EEF2K: variants seen among roughly 807,000 people sequenced by gnomAD.
EEF2K encodes alternative protein EEF2K.
In EEF2K, 70 loss-of-function variants were observed where a neutral mutation model predicts 93.8. The observed-to-expected ratio is 0.75, with a 90% CI of 0.62 to 0.91. EEF2K has a LOEUF of 0.91. Ranked by LOEUF, EEF2K falls within the 40% of genes least tolerant of loss-of-function variation. EEF2K has a pLI of 0.00. For synonymous variants in EEF2K, 376 were observed against 380.8 expected (o/e 0.99, Z 0.15); for missense variants, 935 against 972.9 (o/e 0.96, Z 0.52).
In EEF2K at chr16:22,250,698, G is replaced by A. The variant is rs761099157; in HGVS notation, c.446+7G>A. 6 of 1,614,206 alleles carry A rather than the reference G, an allele frequency of 3.7e-6. No homozygotes were observed. Among genetic ancestry groups the A allele is most frequent in the Non-Finnish European group, 4.2e-6 (5 of 1,180,048 alleles). Reference sequence around the variant, plus strand: ...TGAGGGAGTGCTTCCGGACGTAAGTGACTCAGCCTGGCTCTTGGGGCCCTG... The same window carrying A: ...TGAGGGAGTGCTTCCGGACGTAAGTAACTCAGCCTGGCTCTTGGGGCCCTG... On this transcript the variant is annotated splice_region_variant and intron_variant, in intron 5 of 17. Transcript: ENST00000263026.
chr16:22,271,022 T>C (rs1253720275), intron 15 of EEF2K, among the ~76,000 whole-genome samples: 1 of 149,804 alleles, frequency 6.7e-6, no homozygotes, highest in Non-Finnish European at 1.5e-5. Context: ...CAGGCTGGAG[T>C]GCAGTGGCAT....
At chr16:22,273,874 G>T in intron 16 of EEF2K, 124 bp downstream of exon 16, 2 of 1,412,106 alleles carry the variant, frequency 1.4e-6, no homozygotes, top group Non-Finnish European at 1.9e-6. Flanking sequence ...CAGCAACCAT[G>T]GGCAACTTAT....
At position 22,223,802 on chromosome 16, in the gene EEF2K, A is replaced by G. The variant is rs542841595; in HGVS notation, c.-76-1852A>G. On this transcript the variant is annotated intron_variant, in intron 1 of 17. Coordinates refer to ENST00000263026, the MANE Select transcript of EEF2K (RefSeq NM_013302.5). Reference sequence around the variant, plus strand: ...TGGGACCGTCCCCTTTCTAACAGTCACGGAGTATTTCATGGTGTAGAGAGA... The same window carrying G: ...TGGGACCGTCCCCTTTCTAACAGTCGCGGAGTATTTCATGGTGTAGAGAGA... Among the ~76,000 whole-genome samples the G allele has an allele frequency of 2.9e-4, 44 of 152,282 alleles. 1 individual carries two copies. The highest frequency in any genetic ancestry group is 2.2e-3 in the Admixed American group (34 of 15,290).
intron 6 of EEF2K, 86 bp from the exon 7 acceptor site, chr16:22,256,662 C>T (rs1030388373): frequency 2.2e-5 from 32 of 1,481,862 alleles, no homozygotes; most frequent in African/African-American, 1.3e-4. Context: ...CCCAGGCAGG[C>T]GAGTTCCTCT....
chr16:22,218,949 AAAAAG>A (rs1306672634), intron 1 of EEF2K, among the ~76,000 whole-genome samples: 1 of 151,762 alleles, frequency 6.6e-6, no homozygotes, highest in Non-Finnish European at 1.5e-5. Flanking sequence ...AAAAAAAAAA[AAAAAG>A]AGAAAAAAGA....
chr16:22,247,063 A>G (rs936250464), intron 3 of EEF2K, among the ~76,000 whole-genome samples: 1 of 148,816 alleles, frequency 6.7e-6, no homozygotes, highest in Admixed American at 6.7e-5. Context: ...AAAAAAAAAA[A>G]AAAAGAAACT....
intron 1 of EEF2K, 122 bp from the exon 2 acceptor site, chr16:22,225,532 C>CT: frequency 1.3e-6 from 1 of 747,556 alleles, no homozygotes; most frequent in South Asian, 1.9e-5. Flanking sequence ...CAAAAGATAG[C>CT]TCTAGGTTTT....
chr16:22,218,286 G>A (rs1170919834), intron 1 of EEF2K, among the ~76,000 whole-genome samples: 4 of 152,256 alleles, frequency 2.6e-5, no homozygotes, highest in African/African-American at 9.6e-5. Flanking sequence ...GTCCACTGTG[G>A]TTGTAGTCAA....
At chr16:22,261,000 A>G (rs1268400109) in intron 11 of EEF2K, among the ~76,000 whole-genome samples, 2 of 152,200 alleles carry the variant, frequency 1.3e-5, no homozygotes, top group Non-Finnish European at 2.9e-5. Flanking sequence ...AACTGAAGGC[A>G]TCTTATCTGC....
intron 6 of EEF2K, among the ~76,000 whole-genome samples, chr16:22,255,564 A>AT (rs2047390605): frequency 6.6e-6 from 1 of 152,194 alleles, no homozygotes; most frequent in East Asian, 1.9e-4. Context: ...TAGCAATGTC[A>AT]TCCCTAGTGG....
chr16:22,281,878 T>C (rs1189019471), intron 17 of EEF2K, among the ~76,000 whole-genome samples: 1 of 152,212 alleles, frequency 6.6e-6, no homozygotes, highest in Non-Finnish European at 1.5e-5. Context: ...CATCAGTTGA[T>C]AGACAAGTTA....
At chr16:22,236,981 G>T in intron 2 of EEF2K, among the ~76,000 whole-genome samples, 1 of 105,500 alleles carries the variant, frequency 9.5e-6, no homozygotes, top group Admixed American at 1.6e-4. Context: ...GTCTTGCTCT[G>T]TCACCCAGGC....
chr16:22,221,885 C>T (rs1014016836), intron 1 of EEF2K, among the ~76,000 whole-genome samples: 1 of 152,054 alleles, frequency 6.6e-6, no homozygotes, highest in African/African-American at 2.4e-5. Context: ...CTGTGGCCAA[C>T]ATGGTGAAAC....
At chr16:22,227,989 G>A (rs2141653782) in intron 2 of EEF2K, among the ~76,000 whole-genome samples, 1 of 143,884 alleles carries the variant, frequency 7.0e-6, no homozygotes, top group South Asian at 2.3e-4. Context: ...TTACAGCTAT[G>A]AAGGATAAAC....
At chr16:22,242,791 G>A (rs754570605) in intron 2 of EEF2K, among the ~76,000 whole-genome samples, 3 of 152,084 alleles carry the variant, frequency 2.0e-5, no homozygotes, top group African/African-American at 7.2e-5. Context: ...CATGGGAATC[G>A]TTTCATAATT....
intron 1 of EEF2K, among the ~76,000 whole-genome samples, chr16:22,220,411 C>A (rs116077242): frequency 6.6e-6 from 1 of 151,674 alleles, no homozygotes; most frequent in African/African-American, 2.4e-5. Flanking sequence ...CAGATTTGCT[C>A]GCTAGCAGCC....
chr16:22,214,123 A>G (rs2046938796), intron 1 of EEF2K, among the ~76,000 whole-genome samples: 1 of 152,190 alleles, frequency 6.6e-6, no homozygotes, highest in South Asian at 2.1e-4. Flanking sequence ...GGGACATAAC[A>G]GCAGCTAGTA....
chr16:22,220,947 C>T (rs1231630004), intron 1 of EEF2K, among the ~76,000 whole-genome samples: 2 of 152,160 alleles, frequency 1.3e-5, no homozygotes, highest in African/African-American at 4.8e-5. Context: ...GGCGCTGGGG[C>T]TGGGAGCAGC....
Position 22,263,096 on chromosome 16 carries a change from TC to T in EEF2K, c.1300-13del. ...GGGGACCACCAGGACCCTAAGGCCG[TC>T]TTCTCTCCACAGGAGTCTGAGAATA... On this transcript the variant is annotated splice_polypyrimidine_tract_variant and intron_variant, in intron 11 of 17. Coordinates refer to ENST00000263026, the MANE Select transcript of EEF2K (RefSeq NM_013302.5). The T allele has an allele frequency of 6.2e-7, 1 of 1,609,660 alleles. No homozygotes were observed. The highest frequency in any genetic ancestry group is 1.7e-4 in the Middle Eastern group (1 of 6,046).
Sources: gnomAD v4.1 joint callset for allele counts (sites outside exome capture counted in the v4.1 genomes callset) on GRCh38, gnomAD v4.1.1 for gene constraint, MANE v1.5 for transcripts, NCBI Gene and HGNC (gene_info 2026-07-23, HGNC 2026-07-21) for gene names.